The following MYO1D variants were observed in gnomAD, a reference collection of about 807,000 sequenced individuals.
The protein encoded by MYO1D is myosin ID.
MYO1D carries 83 observed loss-of-function variants against 122.0 expected under a neutral mutation model. The ratio of observed to expected loss-of-function variants is 0.68; its 90% CI spans 0.57 to 0.82. The LOEUF (loss-of-function observed/expected upper bound fraction) is 0.82, where lower values mean the gene tolerates loss of function less well. Ranked by LOEUF, MYO1D falls within the 40% of genes least tolerant of loss-of-function variation. The probability of loss-of-function intolerance (pLI) is 0.00; values close to 1 mark genes in which losing one functional copy is unlikely to be tolerated. For synonymous variants in MYO1D, 464 were observed against 446.9 expected (o/e 1.04, Z -0.48); for missense variants, 1,157 against 1,269.5 (o/e 0.91, Z 1.35).
chr17:32,506,962 C>T (rs1228161053), intron 21 of MYO1D, among the ~76,000 whole-genome samples: 1 of 152,132 alleles, frequency 6.6e-6, no homozygotes, highest in Non-Finnish European at 1.5e-5. Context: ...GGCCAAGCAA[C>T]AGAGTGAGAC....
rs1383270134 is a variant in MYO1D at position 32,667,789 on chromosome 17, G to C, written c.2122-8451C>G. 2.0e-5 allele frequency among the ~76,000 whole-genome samples: 3 copies of C among 152,042 alleles called. No individual in the cohort carries two copies. The East Asian group carries it at 5.8e-4, about 29-fold the overall frequency. On this transcript the variant is annotated intron_variant, in intron 16 of 21. Coordinates refer to ENST00000318217, the MANE Select transcript of MYO1D (RefSeq NM_015194.3). The stretch of plus-strand genomic sequence containing the variant: ...TAGGACATGCCCATTTTATATATAT[G>C]GCCTTGTCCAGATTCATTAACCTTG...
intron 21 of MYO1D, among the ~76,000 whole-genome samples, chr17:32,586,396 T>C (rs1025095007): frequency 6.6e-6 from 1 of 152,194 alleles, no homozygotes; most frequent in Non-Finnish European, 1.5e-5. Context: ...CTATTCCCTA[T>C]GTGTGCAAAT....
chr17:32,682,658 G>A (rs1012052618), intron 16 of MYO1D, among the ~76,000 whole-genome samples: 3 of 119,994 alleles, frequency 2.5e-5, no homozygotes, highest in Admixed American at 7.9e-5. Flanking sequence ...AGGGTAACCC[G>A]ACCTTTCTCT....
At chr17:32,616,891 A>C (rs139773579) in intron 20 of MYO1D, among the ~76,000 whole-genome samples, 113 of 152,290 alleles carry the variant, frequency 7.4e-4, no homozygotes, top group African/African-American at 2.5e-3. Context: ...TTTGAGCACT[A>C]AGTCAGCTCA....
chr17:32,732,281 AC>A (rs1441136814), intron 14 of MYO1D, among the ~76,000 whole-genome samples: 2 of 151,876 alleles, frequency 1.3e-5, no homozygotes, highest in East Asian at 3.9e-4. Context: ...GTGAAATCCC[AC>A]CTTTGGGCCA....
At chr17:32,620,061 TG>T (rs1386028434) in intron 20 of MYO1D, among the ~76,000 whole-genome samples, 2 of 151,724 alleles carry the variant, frequency 1.3e-5, no homozygotes, top group African/African-American at 4.8e-5. Flanking sequence ...CGGATGGGAG[TG>T]GAAGTCCAGG....
chr17:32,718,988 T>C (rs1293547335), intron 15 of MYO1D, among the ~76,000 whole-genome samples: 6 of 152,222 alleles, frequency 3.9e-5, no homozygotes, highest in Admixed American at 1.3e-4. Context: ...AGATACTTAG[T>C]AGGCATTTCA....
chr17:32,760,041 C>T, intron 10 of MYO1D: 1 of 685,934 alleles, frequency 1.5e-6, no homozygotes, highest in Non-Finnish European at 2.6e-6. Context: ...GTGGTAGCAG[C>T]CATAAAGTGA....
At chr17:32,876,107 T>G (rs1598175855) in intron 1 of MYO1D, among the ~76,000 whole-genome samples, 1 of 152,160 alleles carries the variant, frequency 6.6e-6, no homozygotes, top group South Asian at 2.1e-4. Context: ...CTTGTCAAAT[T>G]CAGACAGTTT....
chr17:32,864,007 C>CTTTTCTTTTTTTTTTTTTTTT (rs2091100932), intron 1 of MYO1D, among the ~76,000 whole-genome samples: 1 of 48,960 alleles, frequency 2.0e-5, no homozygotes, highest in African/African-American at 1.0e-4. Context: ...ACATTTCTTC[C>CTTTTCTTTTTTTTTTTTTTTT]TTTTTTTTTT....
At chr17:32,711,652 GAA>G (rs112201977) in intron 16 of MYO1D, among the ~76,000 whole-genome samples, 1 of 151,344 alleles carries the variant, frequency 6.6e-6, no homozygotes, top group Non-Finnish European at 1.5e-5. Flanking sequence ...TCTCGGGGGG[GAA>G]AAAAAAAGTC....
chr17:32,626,539 G>A, intron 20 of MYO1D, among the ~76,000 whole-genome samples: 1 of 152,108 alleles, frequency 6.6e-6, no homozygotes. Context: ...GAATTTCCAA[G>A]TACAGTACTG....
chr17:32,511,552 G>A (rs569221603), intron 21 of MYO1D, among the ~76,000 whole-genome samples: 2 of 151,244 alleles, frequency 1.3e-5, no homozygotes, highest in South Asian at 4.2e-4. Flanking sequence ...TCTAATGTCT[G>A]TAGGGCTTTA....
chr17:32,845,098 G>T (rs2090923446), intron 1 of MYO1D, among the ~76,000 whole-genome samples: 1 of 151,192 alleles, frequency 6.6e-6, no homozygotes, highest in South Asian at 2.1e-4. Context: ...GGCTATTCTG[G>T]GTGGTGAGAT....
intron 6 of MYO1D, among the ~76,000 whole-genome samples, chr17:32,770,118 T>C (rs533400704): frequency 2.3e-4 from 35 of 152,306 alleles, no homozygotes; most frequent in African/African-American, 7.0e-4. Context: ...AAAAGTAAAG[T>C]TGTTGTAACC....
In MYO1D at chr17:32,765,095, GA is replaced by G. The variant is rs747221609; in HGVS notation, c.832-15del. The G allele has an allele frequency of 2.5e-6, 4 of 1,585,000 alleles. No homozygotes were observed. The African/African-American group carries it at 4.1e-5, about 16-fold the overall frequency. ...TTTTAAATTTCCCTGTATCAAAAGT[GA>G]AAAAAATAACACATTATGAAACATT... On this transcript the variant is annotated splice_polypyrimidine_tract_variant and intron_variant, in intron 7 of 21. Transcript: ENST00000318217.
intron 19 of MYO1D, among the ~76,000 whole-genome samples, chr17:32,639,299 A>C (rs1425890304): frequency 6.6e-6 from 1 of 152,020 alleles, no homozygotes; most frequent in Non-Finnish European, 1.5e-5. Context: ...GAAACTAATA[A>C]GTAAAAATAA....
chr17:32,863,902 T>C (rs2091099267), intron 1 of MYO1D, among the ~76,000 whole-genome samples: 1 of 151,876 alleles, frequency 6.6e-6, no homozygotes, highest in Non-Finnish European at 1.5e-5. Context: ...CTGTAGAAGG[T>C]AGCCATAGCC....
chr17:32,862,209 C>T (rs1159047506), intron 1 of MYO1D, among the ~76,000 whole-genome samples: 1 of 152,210 alleles, frequency 6.6e-6, no homozygotes, highest in Non-Finnish European at 1.5e-5. Flanking sequence ...TTTCCATTTC[C>T]CCTATGGGGG....
Sources: allele counts gnomAD v4.1 joint callset (sites outside exome capture counted in the v4.1 genomes callset), GRCh38; gene constraint gnomAD v4.1.1; transcripts MANE v1.5; gene names NCBI Gene and HGNC (gene_info 2026-07-23, HGNC 2026-07-21).